The following MLPH variants were observed in gnomAD, a reference collection of about 807,000 sequenced individuals.
MLPH encodes exophilin-3.
Under a neutral mutation model 72.1 loss-of-function variants are expected in MLPH, and 51 were observed. The observed-to-expected ratio is 0.71, with a 90% CI of 0.56 to 0.89. MLPH has a LOEUF of 0.89. Among genes scored for constraint, MLPH ranks in the 40% least tolerant of loss-of-function variants. MLPH has a pLI of 0.00. For synonymous variants in MLPH, 301 were observed against 310.1 expected (o/e 0.97, Z 0.31); for missense variants, 743 against 759.9 (o/e 0.98, Z 0.26).
At chr2:237,549,776 C>A (rs189502154) in intron 14 of MLPH, among the ~76,000 whole-genome samples, 2 of 152,298 alleles carry the variant, frequency 1.3e-5, no homozygotes, top group East Asian at 1.9e-4. Context: ...CTCCTCCCCC[C>A]ATTCAGAGTC....
At chr2:237,522,540 G>A (rs528526378) in intron 6 of MLPH, among the ~76,000 whole-genome samples, 6 of 140,742 alleles carry the variant, frequency 4.3e-5, no homozygotes, top group Admixed American at 2.0e-4. Flanking sequence ...GTGCTGGAGC[G>A]GAGCAGGGCT....
At chr2:237,529,604 A>C (rs935398885) in intron 8 of MLPH, among the ~76,000 whole-genome samples, 2 of 152,200 alleles carry the variant, frequency 1.3e-5, no homozygotes, top group Non-Finnish European at 2.9e-5. Flanking sequence ...CTTTAAGGCA[A>C]TGAAAGACAC....
intron 1 of MLPH, among the ~76,000 whole-genome samples, chr2:237,489,986 G>A (rs1430473962): frequency 6.6e-6 from 1 of 152,200 alleles, no homozygotes; most frequent in Non-Finnish European, 1.5e-5. Flanking sequence ...TTCAACTGCT[G>A]GGGAAGGCTG....
chr2:237,550,895 T>C (rs978014582), intron 14 of MLPH, among the ~76,000 whole-genome samples: 1 of 152,154 alleles, frequency 6.6e-6, no homozygotes, highest in Non-Finnish European at 1.5e-5. Flanking sequence ...ATTCCTTGTG[T>C]CCTCTGTATG....
chr2:237,549,323 G>A, intron 14 of MLPH, 45 bp downstream of exon 14: 1 of 1,538,988 alleles, frequency 6.5e-7, no homozygotes, highest in Non-Finnish European at 9.0e-7. Flanking sequence ...TGGGAAATGA[G>A]CTTCGGGGAG....
At chr2:237,522,778 TG>T (rs2080217904) in intron 6 of MLPH, among the ~76,000 whole-genome samples, 1 of 151,292 alleles carries the variant, frequency 6.6e-6, no homozygotes, top group Non-Finnish European at 1.5e-5. Context: ...TGGAAGGGGT[TG>T]GGGGTGGGGT....
chr2:237,533,390 CTTTT>C (rs746139615), intron 8 of MLPH, among the ~76,000 whole-genome samples: 7 of 108,006 alleles, frequency 6.5e-5, no homozygotes, highest in African/African-American at 1.9e-4. Flanking sequence ...ATTTTCTTTT[CTTTT>C]TTTTTTTTTT....
chr2:237,545,520 G>A (rs2080898045), intron 12 of MLPH: 1 of 1,289,166 alleles, frequency 7.8e-7, no homozygotes, highest in Non-Finnish European at 1.0e-6. Context: ...CCCTGACAGT[G>A]TAAAATCCAA....
intron 1 of MLPH, among the ~76,000 whole-genome samples, chr2:237,490,156 T>G (rs1201966314): frequency 6.6e-6 from 1 of 151,832 alleles, no homozygotes; most frequent in Non-Finnish European, 1.5e-5. Flanking sequence ...CAGCACATAC[T>G]CTGGGAGCCC....
chr2:237,537,936 C>T (rs1449154481), intron 9 of MLPH, among the ~76,000 whole-genome samples: 1 of 152,234 alleles, frequency 6.6e-6, no homozygotes, highest in Non-Finnish European at 1.5e-5. Flanking sequence ...TCAAAGTCGA[C>T]TTCATGGGGC....
chr2:237,545,335 C>T, intron 12 of MLPH: 1 of 782,276 alleles, frequency 1.3e-6, no homozygotes, highest in Non-Finnish European at 1.8e-6. Flanking sequence ...ACAGCAGGAT[C>T]CTGGGCCCCC....
intron 6 of MLPH, among the ~76,000 whole-genome samples, chr2:237,521,403 A>G (rs2080178761): frequency 6.6e-6 from 1 of 152,188 alleles, no homozygotes; most frequent in Non-Finnish European, 1.5e-5. Flanking sequence ...AGTCTTGAAT[A>G]GCCCTCCTAT....
chr2:237,551,870 T>C (rs983231415), intron 14 of MLPH, among the ~76,000 whole-genome samples: 3 of 151,920 alleles, frequency 2.0e-5, no homozygotes, highest in East Asian at 3.9e-4. Flanking sequence ...TCCCAGCTAC[T>C]TGGGAGGCTG....
At chr2:237,502,309 T>C (rs59970246) in intron 2 of MLPH, among the ~76,000 whole-genome samples, 15,427 of 151,634 alleles carry the variant, frequency 0.1, 938 homozygotes, top group East Asian at 0.2. Context: ...TGGTTAATAG[T>C]CACAGCTTTT....
chr2:237,542,698 T>G lies in MLPH; in HGVS notation c.1539+39T>G, dbSNP rs556751129. On this transcript the variant is annotated intron_variant, in intron 12 of 15. Transcript: ENST00000264605. ...AGTGGTGAGTGGAGACAGTGCTGAGTGGGGGGGCAGTGGTGAGTGGCGGAC... is the reference window on the plus strand; with the variant it reads ...AGTGGTGAGTGGAGACAGTGCTGAGGGGGGGGGCAGTGGTGAGTGGCGGAC... The G allele has an allele frequency of 8.6e-4, 719 of 836,874 alleles. 10 individuals carry two copies. The Admixed American group carries it at 0.02, about 23-fold the overall frequency. The allele number at this position is 836,874 out of a possible 1,614,324, so 51.8% of individuals were successfully genotyped here.
chr2:237,525,916 C>G lies in MLPH; in HGVS notation c.880+111C>G, dbSNP rs1377838730. 2.8e-6 allele frequency: 3 copies of G among 1,085,980 alleles called. No individual in the cohort carries two copies. The African/African-American group carries it at 4.7e-5, about 17-fold the overall frequency. 67.3% of individuals were successfully genotyped at this position (1,085,980 alleles called of 1,614,324 possible). A position where few individuals can be genotyped will look rare whatever the true frequency, so the allele number is the denominator to read the frequency against. On this transcript the variant is annotated intron_variant, in intron 7 of 15. Transcript: ENST00000264605. ...CCAACACACGGGCTGATTTGAAAGGCCCCTTCCTTTGGCGTGATTGTCCGG... is the reference window on the plus strand; with the variant it reads ...CCAACACACGGGCTGATTTGAAAGGGCCCTTCCTTTGGCGTGATTGTCCGG...
chr2:237,545,291 G>A (rs1385738371), intron 12 of MLPH, among the ~76,000 whole-genome samples: 2 of 151,862 alleles, frequency 1.3e-5, no homozygotes, highest in Non-Finnish European at 1.5e-5. Context: ...GCCCCCTGAG[G>A]CCTCCCCACA....
chr2:237,493,609 T>C, intron 2 of MLPH, 73 bp downstream of exon 2: 2 of 1,150,996 alleles, frequency 1.7e-6, no homozygotes, highest in African/African-American at 3.0e-5. Flanking sequence ...ATGGGTGCTG[T>C]CTGGGTGGGT....
At chr2:237,518,422 A>T in intron 4 of MLPH, 117 bp from the exon 5 acceptor site, 1 of 803,458 alleles carries the variant, frequency 1.2e-6, no homozygotes, top group Non-Finnish European at 2.1e-6. Context: ...TGGATGAAGG[A>T]GGGAGGGATG....
Sources: gnomAD v4.1 joint callset for allele counts (sites outside exome capture counted in the v4.1 genomes callset) on GRCh38, gnomAD v4.1.1 for gene constraint, MANE v1.5 for transcripts, NCBI Gene and HGNC (gene_info 2026-07-23, HGNC 2026-07-21) for gene names.